The following CYREN variants were observed in gnomAD, a reference collection of about 807,000 sequenced individuals.
The protein encoded by CYREN is cell cycle regulator of non-homologous end joining.
Under a neutral mutation model 9.7 loss-of-function variants are expected in CYREN, and 7 were observed. The ratio of observed to expected loss-of-function variants is 0.72; its 90% CI spans 0.41 to 1.36. The LOEUF is 1.36. Among genes scored for constraint, CYREN ranks in the 40% most tolerant of loss-of-function variants. CYREN has a pLI of 0.01. For missense variants in CYREN, 215 were observed against 198.1 expected (o/e 1.09, Z -0.51); for synonymous variants, 76 against 77.9 (o/e 0.98, Z 0.13).
intron 3 of CYREN, 37 bp downstream of exon 3, chr7:135,167,695 G>C: frequency 6.2e-7 from 1 of 1,612,660 alleles, no homozygotes; most frequent in Non-Finnish European, 8.5e-7. Context: ...CCCATGCAGA[G>C]TTTCTGGTCA....
At chr7:135,167,321 C>A in intron 3 of CYREN, 2 of 1,073,270 alleles carry the variant, frequency 1.9e-6, no homozygotes, top group Non-Finnish European at 1.1e-6. Flanking sequence ...TGAGGCACTG[C>A]AATTATTACT....
intron 2 of CYREN, among the ~76,000 whole-genome samples, chr7:135,141,006 C>T (rs1394019650): frequency 6.6e-6 from 1 of 151,838 alleles, no homozygotes; most frequent in Non-Finnish European, 1.5e-5. Flanking sequence ...AGGATATTGA[C>T]CTGAAGTTTT....
At chr7:135,139,678 T>A (rs1829417459) in intron 2 of CYREN, among the ~76,000 whole-genome samples, 1 of 152,162 alleles carries the variant, frequency 6.6e-6, no homozygotes, top group South Asian at 2.1e-4. Context: ...TTTTCCAGGT[T>A]TTCTTCTATG....
intron 2 of CYREN, among the ~76,000 whole-genome samples, chr7:135,142,705 A>C (rs1340433575): frequency 6.6e-6 from 1 of 152,214 alleles, no homozygotes; most frequent in African/African-American, 2.4e-5. Flanking sequence ...GTTTGAAATT[A>C]AAAACACATT....
intron 2 of CYREN, chr7:135,129,203 A>G (rs554522112): frequency 1.2e-4 from 165 of 1,431,108 alleles, no homozygotes; most frequent in Non-Finnish European, 1.6e-4. Flanking sequence ...GCCCCCACGC[A>G]TGCTGCCAGC....
chr7:135,168,560 G>A (rs1232393397), intron 2 of CYREN: 4 of 581,582 alleles, frequency 6.9e-6, no homozygotes, highest in Non-Finnish European at 1.2e-5. Context: ...GCTGAGGGCA[G>A]GGCACTCACC....
At chr7:135,148,055 C>T (rs1400176961) in intron 2 of CYREN, 1 of 456,088 alleles carries the variant, frequency 2.2e-6, no homozygotes, top group African/African-American at 2.0e-5. Flanking sequence ...TCAGTCAGAA[C>T]AAATGTACCA....
intron 2 of CYREN, among the ~76,000 whole-genome samples, chr7:135,139,489 T>C (rs1028017717): frequency 2.6e-5 from 4 of 152,104 alleles, no homozygotes; most frequent in Non-Finnish European, 5.9e-5. Flanking sequence ...CTTTCTTAGA[T>C]GCATAGTTTA....
chr7:135,160,118 T>G (rs1164568196), intron 2 of CYREN, among the ~76,000 whole-genome samples: 1 of 152,220 alleles, frequency 6.6e-6, no homozygotes, highest in African/African-American at 2.4e-5. Context: ...ACATATATAT[T>G]TATGTAATCC....
At chr7:135,094,404 A>T in exon 3 of CYREN, 2 of 456,696 alleles carry the variant, frequency 4.4e-6, no homozygotes, top group Middle Eastern at 3.3e-4. Flanking sequence ...CTAGAATCAT[A>T]AACTGGTAGG....
chr7:135,094,821 T>A (rs1256574447), intron 2 of CYREN, among the ~76,000 whole-genome samples: 1 of 152,232 alleles, frequency 6.6e-6, no homozygotes, highest in African/African-American at 2.4e-5. Flanking sequence ...AAGTTGTTTG[T>A]CAGATTTTTC....
At chr7:135,171,797 C>G (rs1314170778), upstream of CYREN, among the ~76,000 whole-genome samples, 1 of 115,554 alleles carries the variant, frequency 8.7e-6, no homozygotes, top group Non-Finnish European at 1.9e-5. Flanking sequence ...TGGAGCGTCC[C>G]TGCAGAGGAC....
intron 2 of CYREN, among the ~76,000 whole-genome samples, chr7:135,117,951 GA>G (rs1311080478): frequency 6.6e-6 from 1 of 152,192 alleles, no homozygotes; most frequent in Admixed American, 6.5e-5. Flanking sequence ...TCTTGCACAT[GA>G]AACTGCTGTA....
intron 2 of CYREN, among the ~76,000 whole-genome samples, chr7:135,144,052 C>T (rs776293892): frequency 1.6e-4 from 24 of 152,282 alleles, no homozygotes; most frequent in Non-Finnish European, 2.9e-4. Context: ...ATCTCCCTAC[C>T]GCTGTGAAGC....
At chr7:135,154,866 G>A (rs1439901689) in intron 2 of CYREN, among the ~76,000 whole-genome samples, 1 of 152,142 alleles carries the variant, frequency 6.6e-6, no homozygotes, top group Non-Finnish European at 1.5e-5. Flanking sequence ...TTGGTCTAAA[G>A]TTCAATTTAA....
At chr7:135,101,977 C>T (rs1418510617) in intron 2 of CYREN, among the ~76,000 whole-genome samples, 1 of 152,214 alleles carries the variant, frequency 6.6e-6, no homozygotes, top group South Asian at 2.1e-4. Context: ...GCTTTGCTCT[C>T]ATTCTCTCTT....
At chr7:135,128,811 T>C (rs1317063938) in intron 2 of CYREN, 1 of 1,173,346 alleles carries the variant, frequency 8.5e-7, no homozygotes, top group Non-Finnish European at 1.3e-6. Context: ...AAGAGGAAAC[T>C]GTGGATGAGA....
chr7:135,096,524 G>GA (rs1352452517), intron 2 of CYREN, among the ~76,000 whole-genome samples: 8 of 146,324 alleles, frequency 5.5e-5, no homozygotes, highest in Admixed American at 4.8e-4. Flanking sequence ...AAGAAAAAGA[G>GA]AAAAAAACAA....
At chr7:135,144,358 A>C (rs954645584) in intron 2 of CYREN, among the ~76,000 whole-genome samples, 1 of 152,120 alleles carries the variant, frequency 6.6e-6, no homozygotes, top group African/African-American at 2.4e-5. Context: ...CCCAGAGGAG[A>C]GGCATGCCTT....
Sources: allele counts gnomAD v4.1 joint callset (sites outside exome capture counted in the v4.1 genomes callset), GRCh38; gene constraint gnomAD v4.1.1; transcripts MANE v1.5; gene names NCBI Gene and HGNC (gene_info 2026-07-23, HGNC 2026-07-21).